The following DOCK10 variants were observed in gnomAD, a reference collection of about 807,000 sequenced individuals.
The protein encoded by DOCK10 is dedicator of cytokinesis protein 10.
A neutral mutation model predicts 280.1 loss-of-function variants in DOCK10; 145 were observed. The ratio of observed to expected loss-of-function variants is 0.52; its 90% CI spans 0.45 to 0.59. The LOEUF is 0.59. Ranked by LOEUF, DOCK10 falls within the 20% of genes least tolerant of loss-of-function variation. DOCK10 has a pLI of 0.00. For missense variants in DOCK10, 2,368 were observed against 2,651.7 expected (o/e 0.89, Z 2.35); for synonymous variants, 915 against 942.2 (o/e 0.97, Z 0.53).
At chr2:224,915,830 T>C (rs979575338) in intron 3 of DOCK10, among the ~76,000 whole-genome samples, 1 of 152,244 alleles carries the variant, frequency 6.6e-6, no homozygotes, top group African/African-American at 2.4e-5. Context: ...GCTCTAAAGC[T>C]GCCTGGAGTC....
At chr2:224,815,811 G>T (rs970799969) in intron 30 of DOCK10, among the ~76,000 whole-genome samples, 1 of 152,058 alleles carries the variant, frequency 6.6e-6, no homozygotes, top group Non-Finnish European at 1.5e-5. Context: ...CGACGTAGGC[G>T]GATCACCTGA....
At chr2:224,992,219 A>G (rs1706146146) in intron 1 of DOCK10, among the ~76,000 whole-genome samples, 1 of 152,142 alleles carries the variant, frequency 6.6e-6, no homozygotes, top group South Asian at 2.1e-4. Flanking sequence ...GTTCTATTTT[A>G]TTTTCTGTGT....
At chr2:224,945,002 T>G (rs932609118) in intron 1 of DOCK10, among the ~76,000 whole-genome samples, 2 of 152,216 alleles carry the variant, frequency 1.3e-5, no homozygotes. Context: ...ATTAAGATAA[T>G]TCATAGAGTG....
At chr2:224,839,786 A>C (rs565901818) in intron 24 of DOCK10, among the ~76,000 whole-genome samples, 168 bp downstream of exon 24, 4 of 152,366 alleles carry the variant, frequency 2.6e-5, no homozygotes, top group African/African-American at 4.8e-5. Context: ...TTTACTACTA[A>C]TAATAAGAGA....
rs1320876376 is a variant in DOCK10, at chr2:225,042,048, C to T, written c.123+204G>A. Among the ~76,000 whole-genome samples the T allele has an allele frequency of 6.6e-6, 1 of 152,206 alleles. No individual in the cohort carries two copies. The highest frequency in any genetic ancestry group is 2.4e-5 in the African/African-American group (1 of 41,462). On this transcript the variant is annotated intron_variant, in intron 1 of 55. Transcript: ENST00000258390. The surrounding 1 kb of genome is among the most constrained non-coding windows in gnomAD (Gnocchi z 5.1). Reference sequence around the variant, plus strand: ...TCTGAGCGTCCCGCGTGCACAAACGCGCCCCCGGTCCTTACGCGTCGGTGG... The same window carrying T: ...TCTGAGCGTCCCGCGTGCACAAACGTGCCCCCGGTCCTTACGCGTCGGTGG...
At chr2:224,774,503 G>A (rs6436508) in intron 52 of DOCK10, among the ~76,000 whole-genome samples, 104,635 of 152,120 alleles carry the variant, frequency 0.69, 36,766 homozygotes, top group Middle Eastern at 0.82. Context: ...ATCTGCATTC[G>A]TTTTACAGAT....
chr2:224,892,687 G>A (rs1055330491), intron 4 of DOCK10, among the ~76,000 whole-genome samples: 1 of 152,222 alleles, frequency 6.6e-6, no homozygotes, highest in African/African-American at 2.4e-5. Flanking sequence ...AAGGCTGTAG[G>A]GGCTGGAAAC....
intron 27 of DOCK10, among the ~76,000 whole-genome samples, chr2:224,827,419 G>A (rs960555416): frequency 1.3e-5 from 2 of 152,154 alleles, no homozygotes; most frequent in Non-Finnish European, 2.9e-5. Flanking sequence ...AACCTCAATC[G>A]GGGAAGATAA....
At chr2:224,991,412 C>CA (rs1706124222) in intron 1 of DOCK10, among the ~76,000 whole-genome samples, 1 of 152,160 alleles carries the variant, frequency 6.6e-6, no homozygotes, top group South Asian at 2.1e-4. Context: ...GCACATAGTA[C>CA]AAAACACTGG....
At position 225,014,081 on chromosome 2, in the gene DOCK10, A is replaced by ATATATTTTTTTTTTTTTTTT. The variant is rs776104946; in HGVS notation, c.123+28170_123+28171insAAAAAAAAAAAAAAAATATA. Among the ~76,000 whole-genome samples, 8 of 96,800 alleles carry ATATATTTTTTTTTTTTTTTT rather than the reference A, an allele frequency of 8.3e-5. 2 individuals carry two copies. The highest frequency in any genetic ancestry group is 7.8e-5 in the Non-Finnish European group (4 of 51,486). The allele number at this position is 96,800 out of a possible 152,430, so 63.5% of individuals were successfully genotyped here. ...AAAAAATCCCCAGAAGTCTGAATATATTGTTTTTTTTTTTTTGTTTTTTTT... is the reference window on the plus strand; with the variant it reads ...AAAAAATCCCCAGAAGTCTGAATATATATATTTTTTTTTTTTTTTTTTGTTTTTTTTTTTTTGTTTTTTTT... On this transcript the variant is annotated intron_variant, in intron 1 of 55. Transcript: ENST00000258390.
intron 1 of DOCK10, among the ~76,000 whole-genome samples, chr2:224,971,957 A>G (rs192281655): frequency 3.3e-5 from 5 of 152,360 alleles, no homozygotes; most frequent in Non-Finnish European, 7.3e-5. Context: ...ATATATTATT[A>G]AAACTAACTT....
At chr2:224,910,974 C>CTCT (rs112146867) in intron 3 of DOCK10, among the ~76,000 whole-genome samples, 47,835 of 113,204 alleles carry the variant, frequency 0.42, 7,756 homozygotes, top group Non-Finnish European at 0.49. Context: ...CTTTCTCTCT[C>CTCT]CCTTTTTTTT....
chr2:224,941,075 G>A (rs1465133837), intron 1 of DOCK10, among the ~76,000 whole-genome samples: 1 of 152,060 alleles, frequency 6.6e-6, no homozygotes, highest in African/African-American at 2.4e-5. Context: ...CCCTGTAAAT[G>A]CCAATAATGG....
intron 7 of DOCK10, 32 bp from the exon 8 acceptor site, chr2:224,876,253 A>G: frequency 6.5e-7 from 1 of 1,528,870 alleles, no homozygotes. Context: ...AGAAAAAGAG[A>G]ATACCAAAAA....
At chr2:225,014,081 A>ATATTTTTTTTTTTT (rs776104946) in intron 1 of DOCK10, among the ~76,000 whole-genome samples, 1 of 96,800 alleles carries the variant, frequency 1.0e-5, no homozygotes, top group Non-Finnish European at 1.9e-5. Context: ...GTCTGAATAT[A>ATATTTTTTTTTTTT]TTGTTTTTTT....
chr2:224,978,692 A>G (rs761940738), intron 1 of DOCK10, among the ~76,000 whole-genome samples: 4 of 152,198 alleles, frequency 2.6e-5, no homozygotes, highest in Non-Finnish European at 5.9e-5. Flanking sequence ...GAGAAAGATC[A>G]TTTATCAATC....
Position 224,794,918 on chromosome 2 carries a change from A to T in DOCK10, c.5115T>A (p.Ser1705Arg). 6.2e-7 allele frequency: 1 copy of T among 1,613,902 alleles called. No individual in the cohort carries two copies. Among genetic ancestry groups the T allele is most frequent in the Non-Finnish European group, 8.5e-7 (1 of 1,179,832 alleles). ...CGTTTCTGGCATGAATCTTGGCCAT[A>T]CTTTCCAGCCAGGTCCTGCGTAGTT... ...TPELRRTWLE[S>R]MAKIHARNGD... Residue 1705 changes from serine (S) to arginine (R), a missense_variant, in exon 45 of 56, where the codon AGT (serine) becomes AGA (arginine). By Grantham distance (110) the Ser-to-Arg change is moderately radical (BLOSUM62 -1). Around this residue, in one of 2 missense-constraint regions of DOCK10, gnomAD observed 1,159 missense variants for 1,400.8 expected, o/e 0.83. Transcript: ENST00000258390.
intron 13 of DOCK10, 26 bp downstream of exon 13, chr2:224,864,527 A>G: frequency 2.0e-6 from 3 of 1,525,066 alleles, no homozygotes; most frequent in Non-Finnish European, 2.6e-6. Flanking sequence ...AAAGGAAGTG[A>G]AGTTATTTAT....
At chr2:224,895,835 G>GTATATATATATA (rs1448998111) in intron 4 of DOCK10, among the ~76,000 whole-genome samples, 1 of 121,564 alleles carries the variant, frequency 8.2e-6, no homozygotes, top group African/African-American at 3.7e-5. Flanking sequence ...GTGTGTGCGT[G>GTATATATATATA]TGTGTGTATA....
Sources: gnomAD v4.1 joint callset for allele counts (sites outside exome capture counted in the v4.1 genomes callset) on GRCh38, gnomAD v4.1.1 for gene constraint, gnomAD v4.1.1 regional missense constraint, Gnocchi (gnomAD v3.1) non-coding constraint, MANE v1.5 for transcripts, NCBI Gene and HGNC (gene_info 2026-07-23, HGNC 2026-07-21) for gene names.